ELP4: variants seen among roughly 807,000 people sequenced by gnomAD.
The protein encoded by ELP4 is elongator acetyltransferase complex subunit 4, also known as elongator complex protein 4.
Under a neutral mutation model 48.9 loss-of-function variants are expected in ELP4, and 51 were observed. That is an observed-to-expected ratio of 1.04 (90% CI 0.83 to 1.32). The LOEUF is 1.32. ELP4 is among the 40% of genes most tolerant of loss of function. The pLI is 0.00. For missense variants in ELP4, 519 were observed against 514.6 expected (o/e 1.01, Z -0.08); for synonymous variants, 210 against 189.2 (o/e 1.11, Z -0.90).
chr11:31,755,829 A>G (rs1038898415), intron 9 of ELP4, among the ~76,000 whole-genome samples: 4 of 151,888 alleles, frequency 2.6e-5, no homozygotes, highest in African/African-American at 7.2e-5. Flanking sequence ...ATGTCTGTCC[A>G]TCCATTCATC....
At chr11:31,570,368 G>C (rs1315279122) in intron 3 of ELP4, among the ~76,000 whole-genome samples, 1 of 152,060 alleles carries the variant, frequency 6.6e-6, no homozygotes, top group Non-Finnish European at 1.5e-5. Context: ...GAGAGGGAAG[G>C]AGTGAGGCAA....
At position 31,784,070 on chromosome 11, in the gene ELP4, C is replaced by T. The variant is rs1290648908; in HGVS notation, c.*546C>T. On this transcript the variant is annotated 3_prime_UTR_variant, in exon 10 of 10. Coordinates refer to ENST00000640961, the MANE Select transcript of ELP4 (RefSeq NM_019040.5). ...ATTCCACTAGAGATAATTAGTCTAC[C>T]ATAGTAGTTATTAAATATAAAGAAC... 1 of 151,916 alleles carries T rather than the reference C, an allele frequency of 6.6e-6. No individual in the cohort carries two copies. Among genetic ancestry groups the T allele is most frequent in the Admixed American group, 6.6e-5 (1 of 15,238 alleles). 9.4% of individuals were successfully genotyped at this position (151,916 alleles called of 1,614,324 possible). A position where few individuals can be genotyped will look rare whatever the true frequency, so the allele number is the denominator to read the frequency against.
At chr11:31,728,080 G>T (rs528452104) in intron 9 of ELP4, among the ~76,000 whole-genome samples, 3 of 152,102 alleles carry the variant, frequency 2.0e-5, no homozygotes, top group Admixed American at 1.3e-4. Flanking sequence ...AAACTTATAA[G>T]AGAAATAATC....
intron 4 of ELP4, among the ~76,000 whole-genome samples, chr11:31,595,789 A>G (rs1426271946): frequency 6.6e-6 from 1 of 152,214 alleles, no homozygotes; most frequent in Non-Finnish European, 1.5e-5. Context: ...GAAAGTTAGT[A>G]TATGGGATCA....
intron 7 of ELP4, chr11:31,646,393 G>A (rs1945199534): frequency 6.6e-6 from 1 of 151,624 alleles, no homozygotes; most frequent in Non-Finnish European, 1.5e-5. Context: ...TACTGCTCTA[G>A]GTGTGAGTTA....
At chr11:31,766,407 T>C (rs866743300) in intron 9 of ELP4, among the ~76,000 whole-genome samples, 75 of 152,244 alleles carry the variant, frequency 4.9e-4, no homozygotes, top group African/African-American at 1.6e-3. Context: ...TTCAGGGTGT[T>C]GGAATATAGT....
chr11:31,649,526 G>A (rs1012070486), intron 8 of ELP4: 6 of 151,724 alleles, frequency 4.0e-5, no homozygotes, highest in Admixed American at 2.6e-4. Flanking sequence ...GCTTATAGCA[G>A]CTACATAAAG....
At chr11:31,573,187 C>T (rs1394356641) in intron 3 of ELP4, among the ~76,000 whole-genome samples, 1 of 152,078 alleles carries the variant, frequency 6.6e-6, no homozygotes, top group East Asian at 1.9e-4. Context: ...AGAATATTTC[C>T]ATCCCTTGAG....
Position 31,531,366 on chromosome 11 carries a change from T to G in ELP4, c.260-8296T>G, listed in dbSNP as rs1956393106. ...ACTAGAGATACAATAATAGGATGCA[T>G]TCTCTGCCATAATAATCTTTTAGCT... On this transcript the variant is annotated intron_variant, in intron 2 of 9. Coordinates refer to ENST00000640961, the MANE Select transcript of ELP4 (RefSeq NM_019040.5). 2.0e-5 allele frequency among the ~76,000 whole-genome samples: 3 copies of G among 152,242 alleles called. No individual in the cohort carries two copies. The South Asian group carries it at 6.2e-4, about 32-fold the overall frequency.
chr11:31,632,678 T>C (rs979761966), intron 7 of ELP4: 1 of 286,634 alleles, frequency 3.5e-6, no homozygotes, highest in Non-Finnish European at 6.4e-6. Context: ...AACAGTGTCT[T>C]TTGAAGAGCT....
At position 31,698,693 on chromosome 11, in the gene ELP4, A is replaced by T. The variant is rs551877797; in HGVS notation, c.1143+48472A>T. On this transcript the variant is annotated intron_variant, in intron 9 of 9. Transcript: ENST00000640961. ...CTCCCAGAGTGCTGGGATTACAGGC[A>T]TGAGCACCATGCCTGACCTGGAAAT... 2.0e-5 allele frequency among the ~76,000 whole-genome samples: 3 copies of T among 152,236 alleles called. No individual in the cohort carries two copies. In the East Asian group the frequency reaches 5.8e-4, roughly 29 times the overall value.
Position 31,779,433 on chromosome 11 carries a change from C to G in ELP4, c.1144-3960C>G, listed in dbSNP as rs532531654. 2.2e-4 allele frequency among the ~76,000 whole-genome samples: 33 copies of G among 152,242 alleles called. 1 individual carries two copies. Among genetic ancestry groups the G allele is most frequent in the Admixed American group, 2.0e-3 (31 of 15,280 alleles). On this transcript the variant is annotated intron_variant, in intron 9 of 9. Transcript: ENST00000640961. The stretch of plus-strand genomic sequence containing the variant: ...AAGGGAACTGTTGAGCCAGGAATTC[C>G]AATCTTATGTGTCTATAGGATCAAT...
chr11:31,593,227 C>CGTTGTTGT (rs1957614581), intron 3 of ELP4, among the ~76,000 whole-genome samples: 2 of 149,910 alleles, frequency 1.3e-5, no homozygotes, highest in Non-Finnish European at 3.0e-5. Flanking sequence ...GTGAATAATA[C>CGTTGTTGT]TGTTGTTGTT....
chr11:31,619,396 C>T (rs1048559324), intron 5 of ELP4, among the ~76,000 whole-genome samples: 3 of 151,912 alleles, frequency 2.0e-5, no homozygotes, highest in African/African-American at 7.3e-5. Context: ...ACAAAAATAC[C>T]ATAAACAGCA....
intron 9 of ELP4, among the ~76,000 whole-genome samples, chr11:31,782,106 T>C (rs2134288030): frequency 6.6e-6 from 1 of 152,324 alleles, no homozygotes; most frequent in African/African-American, 2.4e-5. Context: ...GATATATTTG[T>C]ATTAAAAATA....
chr11:31,534,027 C>CG (rs1956455822), intron 2 of ELP4, among the ~76,000 whole-genome samples: 6 of 147,462 alleles, frequency 4.1e-5, no homozygotes, highest in African/African-American at 1.2e-4. Flanking sequence ...TTACTAGAGA[C>CG]GGGTTTCACC....
At position 31,786,049 on chromosome 11, in the gene ELP4, C is replaced by A. The variant is rs183433948; in HGVS notation, c.*2525C>A. 9.5e-4 allele frequency: 194 copies of A among 204,814 alleles called. No individual in the cohort carries two copies. The highest frequency in any genetic ancestry group is 2.1e-3 in the Admixed American group (36 of 16,842). 12.7% of individuals were successfully genotyped at this position (204,814 alleles called of 1,614,324 possible). The stretch of plus-strand genomic sequence containing the variant: ...TTGACTACTGCAGTTTGCTCAGGTG[C>A]TCGGGTTCTAAGACTTTTTGAATTT... On this transcript the variant is annotated 3_prime_UTR_variant, in exon 10 of 10. Coordinates refer to ENST00000640961, the MANE Select transcript of ELP4 (RefSeq NM_019040.5).
rs1288453607 is a variant in ELP4 at position 31,681,929 on chromosome 11, T to TG, written c.1143+31712dup. On this transcript the variant is annotated intron_variant, in intron 9 of 9. Transcript: ENST00000640961. ...CTAATTTTTGTATTTTTAGTAGAGA[T>TG]GGGGTTCCACCATGTTGGCCAGGCT... 4.7e-5 allele frequency: 19 copies of TG among 402,866 alleles called. 1 individual carries two copies. The highest frequency in any genetic ancestry group is 2.5e-4 in the South Asian group (12 of 47,936). The allele number at this position is 402,866 out of a possible 1,614,324, so 25.0% of individuals were successfully genotyped here. A position where few individuals can be genotyped will look rare whatever the true frequency, so the allele number is the denominator to read the frequency against.
At chr11:31,728,484 T>A (rs1947121840) in intron 9 of ELP4, among the ~76,000 whole-genome samples, 1 of 152,150 alleles carries the variant, frequency 6.6e-6, no homozygotes, top group African/African-American at 2.4e-5. Flanking sequence ...GGAAGTAAAA[T>A]TTTTAAAAAG....
Sources: gnomAD v4.1 joint callset for allele counts (sites outside exome capture counted in the v4.1 genomes callset) on GRCh38, gnomAD v4.1.1 for gene constraint, MANE v1.5 for transcripts, NCBI Gene and HGNC (gene_info 2026-07-23, HGNC 2026-07-21) for gene names.